KLHL1: variants seen among roughly 807,000 people sequenced by gnomAD.
The protein encoded by KLHL1 is kelch like family member 1.
In KLHL1, 47 loss-of-function variants were observed where a neutral mutation model predicts 77.7. The ratio of observed to expected loss-of-function variants is 0.60; its 90% confidence interval spans 0.48 to 0.77. The LOEUF is 0.77. Among genes scored for constraint, KLHL1 ranks in the 30% least tolerant of loss-of-function variants. The pLI is 0.00. For missense variants in KLHL1, 925 were observed against 910.8 expected, an observed-to-expected ratio of 1.02 and a Z score of -0.20; for synonymous variants, 360 against 325.2, an observed-to-expected ratio of 1.11 and a Z score of -1.15.
At chr13:69,789,082 T>G (rs930297460) in intron 7 of KLHL1, among the ~76,000 whole-genome samples, 1 of 151,976 alleles carries the variant, frequency 6.6e-6, no homozygotes, top group Non-Finnish European at 1.5e-5. Flanking sequence ...TACCTACATA[T>G]CCATCTGTCT....
chr13:69,715,812 G>T (rs1338356022), intron 9 of KLHL1, among the ~76,000 whole-genome samples: 3 of 152,022 alleles, frequency 2.0e-5, no homozygotes, highest in African/African-American at 7.2e-5. Flanking sequence ...AAAAGGTTTG[G>T]GGGAGGAAGG....
At chr13:69,765,391 C>G (rs1374190102) in intron 7 of KLHL1, among the ~76,000 whole-genome samples, 4 of 152,004 alleles carry the variant, frequency 2.6e-5, no homozygotes, top group Non-Finnish European at 5.9e-5. Flanking sequence ...TATTAAAGAC[C>G]ATGTCTCAGA....
intron 4 of KLHL1, among the ~76,000 whole-genome samples, chr13:69,914,410 A>T (rs2138250520): frequency 6.6e-6 from 1 of 152,236 alleles, no homozygotes; most frequent in Middle Eastern, 3.4e-3. Flanking sequence ...GACACGCAAA[A>T]ACTGTTCTCA....
chr13:69,802,859 G>A (rs7987896), intron 6 of KLHL1: 1 of 151,828 alleles, frequency 6.6e-6, no homozygotes, highest in Non-Finnish European at 1.5e-5. Context: ...GTGTCTGAGG[G>A]GTTTTGTCTG....
chr13:69,736,743 A>T (rs1873782236), intron 8 of KLHL1, among the ~76,000 whole-genome samples: 1 of 152,036 alleles, frequency 6.6e-6, no homozygotes, highest in Non-Finnish European at 1.5e-5. Context: ...AAAGAAATGA[A>T]ATAATGGCAT....
At chr13:69,931,713 C>T (rs1571876) in intron 4 of KLHL1, among the ~76,000 whole-genome samples, 34,258 of 151,278 alleles carry the variant, frequency 0.23, 4,723 homozygotes, top group South Asian at 0.31. Context: ...ACTAAGGATA[C>T]CATTTATTTG....
chr13:70,065,488 G>T (rs947818411), intron 1 of KLHL1, among the ~76,000 whole-genome samples: 1 of 152,146 alleles, frequency 6.6e-6, no homozygotes, highest in Non-Finnish European at 1.5e-5. Flanking sequence ...TGAATAAAGA[G>T]GTGTTTACCT....
rs2501226 is a variant in KLHL1 at position 69,967,115 on chromosome 13, C to A, written c.681-5671G>T. On this transcript the variant is annotated intron_variant, in intron 2 of 10. Coordinates refer to ENST00000377844, the MANE Select transcript of KLHL1 (RefSeq NM_020866.3). ...ATATATTGATTTTGTTTCCTTTGGA[C>A]AGACACTCAGTAGCTGGATTGCTGG... Among the ~76,000 whole-genome samples, 52 of 151,982 alleles carry A rather than the reference C, an allele frequency of 3.4e-4. No individual in the cohort carries two copies. In the East Asian group the frequency reaches 0.01, roughly 29 times the overall value.
At chr13:69,816,546 C>T (rs1300075988) in intron 6 of KLHL1, among the ~76,000 whole-genome samples, 1 of 151,860 alleles carries the variant, frequency 6.6e-6, no homozygotes, top group Non-Finnish European at 1.5e-5. Flanking sequence ...ATTACAGGCA[C>T]CGTGCCTGGC....
chr13:70,009,406 G>A (rs1387650821), intron 1 of KLHL1, among the ~76,000 whole-genome samples: 1 of 152,152 alleles, frequency 6.6e-6, no homozygotes, highest in Non-Finnish European at 1.5e-5. Flanking sequence ...TCAACAAGAA[G>A]AGCATGTTTA....
At chr13:70,013,813 C>T (rs1203705417) in intron 1 of KLHL1, among the ~76,000 whole-genome samples, 1 of 152,248 alleles carries the variant, frequency 6.6e-6, no homozygotes, top group East Asian at 1.9e-4. Flanking sequence ...AAACAAACTC[C>T]ATGCCCACAA....
chr13:70,107,348 T>C lies in KLHL1; in HGVS notation c.352A>G (p.Thr118Ala). Residue 118 changes from threonine (T) to alanine (A), a missense_variant, in exon 1 of 11, where the codon ACT (threonine) becomes GCT (alanine). Transcript: ENST00000377844. ...PGQGTQQPAR[T>A]LFYVESLEEE... is the part of the protein sequence containing the mutation. ...TCTAGTGACTCCACGTAGAAGAGAG[T>C]CCTGGCTGGCTGCTGAGTGCCCTGC... The C allele has an allele frequency of 6.2e-7, 1 of 1,613,668 alleles. No homozygotes were observed. Among genetic ancestry groups the C allele is most frequent in the Non-Finnish European group, 8.5e-7 (1 of 1,179,966 alleles).
intron 1 of KLHL1, among the ~76,000 whole-genome samples, chr13:70,088,957 T>G (rs1363957865): frequency 2.0e-5 from 3 of 152,154 alleles, no homozygotes; most frequent in Non-Finnish European, 1.5e-5. Flanking sequence ...ATATTTGAAA[T>G]CACGTATTTA....
chr13:70,016,662 G>C (rs191646285), intron 1 of KLHL1, among the ~76,000 whole-genome samples: 10 of 152,226 alleles, frequency 6.6e-5, no homozygotes, highest in Non-Finnish European at 1.5e-4. Flanking sequence ...AGGCCTGCAG[G>C]TGCCCCTCCG....
chr13:69,944,010 T>C (rs1269068550), intron 3 of KLHL1, among the ~76,000 whole-genome samples: 2 of 152,186 alleles, frequency 1.3e-5, no homozygotes, highest in Non-Finnish European at 2.9e-5. Context: ...CAGAAAAGAA[T>C]GAGCACAGCA....
chr13:69,964,112 T>C (rs779265792), intron 2 of KLHL1, among the ~76,000 whole-genome samples: 39 of 152,212 alleles, frequency 2.6e-4, no homozygotes, highest in Non-Finnish European at 3.8e-4. Context: ...GGCACAATCA[T>C]AGCTCACTGG....
chr13:69,783,807 T>C (rs1432535995), intron 7 of KLHL1, among the ~76,000 whole-genome samples: 1 of 148,430 alleles, frequency 6.7e-6, no homozygotes, highest in African/African-American at 2.5e-5. Flanking sequence ...AGGCCAACAT[T>C]CAGATTCAGG....
chr13:69,868,240 A>T (rs1051267532), intron 5 of KLHL1, among the ~76,000 whole-genome samples: 1 of 152,134 alleles, frequency 6.6e-6, no homozygotes, highest in Non-Finnish European at 1.5e-5. Flanking sequence ...CAGCATATTT[A>T]ACTGCCAAAT....
At chr13:69,787,745 T>C (rs1876635316) in intron 7 of KLHL1, among the ~76,000 whole-genome samples, 1 of 152,086 alleles carries the variant, frequency 6.6e-6, no homozygotes, top group South Asian at 2.1e-4. Flanking sequence ...GGGAGAAAAT[T>C]TTCACAACCT....
Sources: gnomAD v4.1 joint callset for allele counts (sites outside exome capture counted in the v4.1 genomes callset) on GRCh38, gnomAD v4.1.1 for gene constraint, MANE v1.5 for transcripts, NCBI Gene and HGNC (gene_info 2026-07-23, HGNC 2026-07-21) for gene names.